The following CERT1 variants were observed in gnomAD, a reference collection of about 807,000 sequenced individuals.
The protein encoded by CERT1 is ceramide transfer protein.
Under a neutral mutation model 87.9 loss-of-function variants are expected in CERT1, and 31 were observed. The observed-to-expected ratio is 0.35, with a 90% CI of 0.27 to 0.48. The LOEUF is 0.48. Among genes scored for constraint, CERT1 ranks in the 20% least tolerant of loss-of-function variants. The probability of loss-of-function intolerance (pLI) is 0.99; values close to 1 mark genes in which losing one functional copy is unlikely to be tolerated. For missense variants in CERT1, 487 were observed against 758.0 expected, an observed-to-expected ratio of 0.64 and a Z score of 4.20; for synonymous variants, 289 against 250.9, an observed-to-expected ratio of 1.15 and a Z score of -1.44.
rs189041605 is a variant in CERT1 at position 75,425,192 on chromosome 5, G to C, written c.595+169C>G. 3 of 583,094 alleles carry C rather than the reference G, an allele frequency of 5.1e-6. No individual in the cohort carries two copies. The Admixed American group carries it at 9.6e-5, about 19-fold the overall frequency. 36.1% of individuals were successfully genotyped at this position (583,094 alleles called of 1,614,324 possible). ...GGATGATCAAAATGAATTAGTATGT[G>C]TAACTGAAGTACCCAAGTTACAAGG... On this transcript the variant is annotated intron_variant, in intron 5 of 16. Transcript: ENST00000643780.
At chr5:75,388,493 C>G (rs1487357741) in intron 12 of CERT1, among the ~76,000 whole-genome samples, 1 of 151,198 alleles carries the variant, frequency 6.6e-6, no homozygotes, top group Non-Finnish European at 1.5e-5. Flanking sequence ...GTAAAACAAT[C>G]TAATTGTTTC....
chr5:75,443,893 C>T (rs930670065), intron 3 of CERT1, among the ~76,000 whole-genome samples: 2 of 152,182 alleles, frequency 1.3e-5, no homozygotes, highest in African/African-American at 4.8e-5. Context: ...TACACAATGT[C>T]CTTATTTGTC....
chr5:75,413,729 C>A, intron 7 of CERT1, among the ~76,000 whole-genome samples: 1 of 151,900 alleles, frequency 6.6e-6, no homozygotes, highest in South Asian at 2.1e-4. Flanking sequence ...GAGTGAACAA[C>A]ATCAACAACA....
intron 3 of CERT1, among the ~76,000 whole-genome samples, chr5:75,437,042 T>G (rs1363679469): frequency 6.6e-6 from 1 of 152,216 alleles, no homozygotes; most frequent in East Asian, 1.9e-4. Flanking sequence ...TACCTTGGCC[T>G]CTCAAAGTCC....
intron 11 of CERT1, among the ~76,000 whole-genome samples, chr5:75,395,399 G>T (rs1044881706): frequency 6.6e-6 from 1 of 151,830 alleles, no homozygotes; most frequent in Non-Finnish European, 1.5e-5. Context: ...AAAACAATTA[G>T]TTGGGTGTGG....
chr5:75,444,465 A>G (rs1472965068), intron 3 of CERT1, among the ~76,000 whole-genome samples: 2 of 150,590 alleles, frequency 1.3e-5, no homozygotes, highest in African/African-American at 2.5e-5. Flanking sequence ...GCTATTTTCT[A>G]TGTGCCTTAT....
downstream of CERT1, chr5:75,373,379 TG>T (rs1761154733): frequency 6.6e-6 from 1 of 152,224 alleles, no homozygotes; most frequent in South Asian, 2.1e-4. Flanking sequence ...TTTGTACAGA[TG>T]TTTCTGTTTG....
chr5:75,402,816 ATTATT>A (rs889503809), intron 9 of CERT1, 151 bp downstream of exon 9: 27 of 492,610 alleles, frequency 5.5e-5, no homozygotes, highest in African/African-American at 4.7e-4. Flanking sequence ...AAAAAAAAAG[ATTATT>A]TTACATTTGT....
chr5:75,424,644 G>A (rs1006256684), intron 5 of CERT1, among the ~76,000 whole-genome samples: 2 of 151,886 alleles, frequency 1.3e-5, no homozygotes, highest in Non-Finnish European at 1.5e-5. Context: ...AAAGAGAAAT[G>A]AGAGGGAGAA....
chr5:75,468,879 G>A (rs1399269947), intron 2 of CERT1, among the ~76,000 whole-genome samples: 1 of 152,164 alleles, frequency 6.6e-6, no homozygotes, highest in Non-Finnish European at 1.5e-5. Context: ...TCAACATGCG[G>A]ATATAGATGC....
intron 8 of CERT1, among the ~76,000 whole-genome samples, chr5:75,410,384 C>G (rs567270590): frequency 7.9e-5 from 12 of 151,924 alleles, no homozygotes; most frequent in Non-Finnish European, 1.8e-4. Context: ...CTGAGGCGGG[C>G]GGATCACGAG....
intron 2 of CERT1, 182 bp downstream of exon 2, chr5:75,505,800 T>C (rs1006943301): frequency 2.3e-6 from 1 of 427,708 alleles, no homozygotes; most frequent in African/African-American, 2.0e-5. Flanking sequence ...CTATGCAAAA[T>C]AACAATATGT....
At chr5:75,461,572 A>C (rs1419084683) in intron 2 of CERT1, among the ~76,000 whole-genome samples, 2 of 152,232 alleles carry the variant, frequency 1.3e-5, no homozygotes, top group African/African-American at 4.8e-5. Flanking sequence ...TTATATTTCC[A>C]GCCAGTATTT....
Position 75,511,415 on chromosome 5 carries a change from T to A in CERT1, c.-208A>T, listed in dbSNP as rs1439879148. ...CGGAGCGAGGAAGGAGGACGAGCGG[T>A]GAAGGAAGCCTACCCTTCCAGCCGT... On this transcript the variant is annotated 5_prime_UTR_variant, in exon 1 of 17. Transcript: ENST00000643780. The A allele has an allele frequency of 6.5e-7, 1 of 1,544,602 alleles. No homozygotes were observed.
chr5:75,405,526 A>C (rs147218989), intron 8 of CERT1, among the ~76,000 whole-genome samples: 1 of 152,220 alleles, frequency 6.6e-6, no homozygotes, highest in Non-Finnish European at 1.5e-5. Flanking sequence ...ACGTGTCTGA[A>C]ACCTCCTCTT....
intron 8 of CERT1, among the ~76,000 whole-genome samples, chr5:75,406,204 G>A (rs941599548): frequency 1.2e-4 from 19 of 152,140 alleles, no homozygotes; most frequent in African/African-American, 4.3e-4. Context: ...TCAATTTGTG[G>A]AGGCTCTACC....
chr5:75,404,174 A>G (rs1561237766), intron 8 of CERT1, among the ~76,000 whole-genome samples: 1 of 152,004 alleles, frequency 6.6e-6, no homozygotes, highest in East Asian at 1.9e-4. Flanking sequence ...CTGGAACTAC[A>G]CTGGAAGGGT....
rs540622351 is a variant in CERT1 at position 75,499,711 on chromosome 5, T to C, written c.231+6271A>G. 2.6e-5 allele frequency among the ~76,000 whole-genome samples: 4 copies of C among 152,270 alleles called. No homozygotes were observed. The South Asian group carries it at 8.3e-4, about 32-fold the overall frequency. On this transcript the variant is annotated intron_variant, in intron 2 of 16. Coordinates refer to ENST00000643780, the MANE Select transcript of CERT1 (RefSeq NM_001379029.1). ...AAGCACTTCGGAATTAAGAGTTGCT[T>C]TATAAATATTTAACAGTCATGTTCC...
intron 3 of CERT1, among the ~76,000 whole-genome samples, chr5:75,457,849 G>A (rs1765053946): frequency 1.3e-5 from 2 of 150,486 alleles, no homozygotes; most frequent in South Asian, 4.2e-4. Context: ...TTTATCAATC[G>A]TGTTAGCTTT....
Sources: allele counts gnomAD v4.1 joint callset (sites outside exome capture counted in the v4.1 genomes callset), GRCh38; gene constraint gnomAD v4.1.1; transcripts MANE v1.5; gene names NCBI Gene and HGNC (gene_info 2026-07-23, HGNC 2026-07-21).